Variants in MBD5 observed in about 807,000 individuals in gnomAD.
MBD5 encodes the protein methyl-CpG binding domain protein 5.
A neutral mutation model predicts 117.3 loss-of-function variants in MBD5; 13 were observed. The observed-to-expected ratio is 0.11, with a 90% confidence interval of 0.07 to 0.18. The LOEUF (loss-of-function observed/expected upper bound fraction) is 0.18. Among genes scored for constraint, MBD5 ranks in the 10% least tolerant of loss-of-function variants. MBD5 has a pLI of 1.00. For synonymous variants in MBD5, 727 were observed against 766.4 expected, an observed-to-expected ratio of 0.95 and a Z score of 0.85; for missense variants, 1,879 against 2,093.8, an observed-to-expected ratio of 0.90 and a Z score of 2.00.
At chr2:148,281,691 A>C (rs145028091) in intron 3 of MBD5, among the ~76,000 whole-genome samples, 26 of 151,618 alleles carry the variant, frequency 1.7e-4, no homozygotes, top group Admixed American at 5.3e-4. Context: ...TTTTCTCTCT[A>C]TCTCTATCTC....
At position 148,417,288 on chromosome 2, in the gene MBD5, C is replaced by CTTTTTTTTTTTTTTTTTTTT. The variant is rs745409695; in HGVS notation, c.-556-40912_-556-40893dup. On this transcript the variant is annotated intron_variant, in intron 4 of 13. Coordinates refer to ENST00000642680, the MANE Select transcript of MBD5 (RefSeq NM_001378120.1). ...CAGACATGTGCCACCATGCACAGCTCTTTTTTTTTTTTTTTTTTTTTTGTA... is the reference window on the plus strand; with the variant it reads ...CAGACATGTGCCACCATGCACAGCTCTTTTTTTTTTTTTTTTTTTTTTTTTTTTTTTTTTTTTTTTTTGTA... Among the ~76,000 whole-genome samples, 9 of 91,804 alleles carry CTTTTTTTTTTTTTTTTTTTT rather than the reference C, an allele frequency of 9.8e-5. 1 individual carries two copies. Among genetic ancestry groups the CTTTTTTTTTTTTTTTTTTTT allele is most frequent in the Non-Finnish European group, 1.0e-4 (5 of 49,372 alleles). 60.2% of individuals were successfully genotyped at this position (91,804 alleles called of 152,430 possible).
intron 1 of MBD5, among the ~76,000 whole-genome samples, chr2:148,141,318 C>G (rs1697307866): frequency 6.6e-6 from 1 of 152,110 alleles, no homozygotes; most frequent in African/African-American, 2.4e-5. Context: ...GGAGACACTC[C>G]TACAAATAGG....
chr2:148,324,017 G>C (rs1434484196), intron 3 of MBD5, among the ~76,000 whole-genome samples: 1 of 152,108 alleles, frequency 6.6e-6, no homozygotes, highest in Admixed American at 6.5e-5. Flanking sequence ...ATTGATTTTT[G>C]TATAAGGTGT....
At chr2:148,339,826 A>G (rs551071838) in intron 3 of MBD5, among the ~76,000 whole-genome samples, 1 of 152,292 alleles carries the variant, frequency 6.6e-6, no homozygotes, top group Admixed American at 6.5e-5. Flanking sequence ...ATCTATATAA[A>G]CATTACTAAA....
At chr2:148,426,364 A>G (rs982059321) in intron 4 of MBD5, among the ~76,000 whole-genome samples, 1 of 152,128 alleles carries the variant, frequency 6.6e-6, no homozygotes, top group Non-Finnish European at 1.5e-5. Flanking sequence ...AGCCAAAAGA[A>G]CAAAGCTGGA....
Position 148,351,904 on chromosome 2 carries a change from C to G in MBD5, c.-557+9568C>G, listed in dbSNP as rs191683290. ...AAGTCTAAAAGTATAATCTCTGACTCTTGGTTCTGCAACCTATGTGTTTAG... is the reference window on the plus strand; with the variant it reads ...AAGTCTAAAAGTATAATCTCTGACTGTTGGTTCTGCAACCTATGTGTTTAG... On this transcript the variant is annotated intron_variant, in intron 4 of 13. Coordinates refer to ENST00000642680, the MANE Select transcript of MBD5 (RefSeq NM_001378120.1). Among the ~76,000 whole-genome samples, 46 of 152,098 alleles carry G rather than the reference C, an allele frequency of 3.0e-4. No individual in the cohort carries two copies. In the East Asian group the frequency reaches 6.8e-3, roughly 22 times the overall value.
At chr2:148,136,216 G>A (rs145066239) in intron 1 of MBD5, among the ~76,000 whole-genome samples, 78 of 152,096 alleles carry the variant, frequency 5.1e-4, no homozygotes, top group Admixed American at 7.9e-4. Flanking sequence ...ACAGAATCAC[G>A]GTCTTACGTG....
chr2:148,476,335 A>G (rs1384892652), intron 8 of MBD5, among the ~76,000 whole-genome samples: 1 of 152,226 alleles, frequency 6.6e-6, no homozygotes, highest in Non-Finnish European at 1.5e-5. Flanking sequence ...ATTAACTTGC[A>G]TTACAGTCCA....
At chr2:148,124,019 C>G (rs115723989) in intron 1 of MBD5, among the ~76,000 whole-genome samples, 1,875 of 152,234 alleles carry the variant, frequency 0.012, 45 homozygotes, top group African/African-American at 0.043. Context: ...GTGGCTCATA[C>G]GTGTAATACA....
At chr2:148,155,980 G>A (rs868720319) in intron 1 of MBD5, among the ~76,000 whole-genome samples, 11 of 152,300 alleles carry the variant, frequency 7.2e-5, no homozygotes, top group Middle Eastern at 6.8e-3. Flanking sequence ...CTGTCCAAAC[G>A]AAGGGACCAC....
rs1706957418 is a variant in MBD5 at position 148,458,597 on chromosome 2, A to G, written c.-162A>G. ...GATTTTTTTCACAATGGCATATTTCAAGGACTTGGTTCCAAACTGAGCTGA... is the reference window on the plus strand; with the variant it reads ...GATTTTTTTCACAATGGCATATTTCGAGGACTTGGTTCCAAACTGAGCTGA... On this transcript the variant is annotated 5_prime_UTR_variant, in exon 5 of 14. Transcript: ENST00000642680. 1.5e-6 allele frequency: 1 copy of G among 659,198 alleles called. No individual in the cohort carries two copies. The highest frequency in any genetic ancestry group is 2.8e-6 in the Non-Finnish European group (1 of 362,184). 40.8% of individuals were successfully genotyped at this position (659,198 alleles called of 1,614,324 possible).
chr2:148,349,459 A>G (rs553332148), intron 4 of MBD5, among the ~76,000 whole-genome samples: 1 of 152,014 alleles, frequency 6.6e-6, no homozygotes, highest in Admixed American at 6.6e-5. Context: ...AGATAAGTAA[A>G]TGTTTTGGTT....
At chr2:148,071,230 TA>T (rs1468039171) in intron 1 of MBD5, 2 of 152,098 alleles carry the variant, frequency 1.3e-5, no homozygotes, top group East Asian at 1.9e-4. Context: ...CAAAAATCAC[TA>T]ATACGGGCCT....
rs1701673086 is a variant in MBD5, at chr2:148,297,077, G to T, written c.-679-45137G>T. Among the ~76,000 whole-genome samples, 3 of 151,590 alleles carry T rather than the reference G, an allele frequency of 2.0e-5. No individual in the cohort carries two copies. In the South Asian group the frequency reaches 6.3e-4, roughly 32 times the overall value. On this transcript the variant is annotated intron_variant, in intron 3 of 13. Transcript: ENST00000642680. The stretch of plus-strand genomic sequence containing the variant: ...TTTTGGTACTTGTAGTAGAAACGGG[G>T]TTTCACCGTGTTGGCCAGGCTGGTC...
At chr2:148,173,569 G>A (rs1354594523) in intron 1 of MBD5, among the ~76,000 whole-genome samples, 1 of 152,120 alleles carries the variant, frequency 6.6e-6, no homozygotes, top group Non-Finnish European at 1.5e-5. Flanking sequence ...AGGCAAAGGC[G>A]CCACTAGCCA....
Position 148,515,929 on chromosome 2 carries a change from A to G in MBD5, c.*2988A>G, listed in dbSNP as rs1180266105. On this transcript the variant is annotated 3_prime_UTR_variant, in exon 14 of 14. Transcript: ENST00000642680. ...AGGGTTTTTATTTATTTAAAGGAAC[A>G]TTTTTGGCTTGTACTTTTCAGTGCC... The G allele has an allele frequency of 6.6e-6, 1 of 152,200 alleles. No individual in the cohort carries two copies. The allele number at this position is 152,200 out of a possible 1,614,324, so 9.4% of individuals were successfully genotyped here. A position where few individuals can be genotyped will look rare whatever the true frequency, so the allele number is the denominator to read the frequency against.
At chr2:148,359,712 G>A (rs1048582042) in intron 4 of MBD5, among the ~76,000 whole-genome samples, 2 of 152,076 alleles carry the variant, frequency 1.3e-5, no homozygotes, top group African/African-American at 2.4e-5. Context: ...CTTTATCAAA[G>A]CATGATCTCT....
At chr2:148,183,901 G>T (rs1698588347) in intron 2 of MBD5, among the ~76,000 whole-genome samples, 1 of 151,516 alleles carries the variant, frequency 6.6e-6, no homozygotes, top group Non-Finnish European at 1.5e-5. Context: ...TCAATACTTT[G>T]AAAATCCATG....
rs1680672133 is a variant in MBD5 at position 148,468,603 on chromosome 2, C to G, written c.660C>G (p.Gly220=). Residue 220 remains glycine, a synonymous_variant, in exon 8 of 14, where the codon GGC becomes GGG. Coordinates refer to ENST00000642680, the MANE Select transcript of MBD5 (RefSeq NM_001378120.1). ...QKSPFRGSHG[G]LPSPASSGSQ... Reference sequence around the variant, plus strand: ...CTCCATTCCGTGGCAGCCATGGAGGCCTGCCCAGCCCAGCGTCATCAGGTT... The same window carrying G: ...CTCCATTCCGTGGCAGCCATGGAGGGCTGCCCAGCCCAGCGTCATCAGGTT... The G allele has an allele frequency of 6.2e-7, 1 of 1,613,762 alleles. No individual in the cohort carries two copies. The highest frequency in any genetic ancestry group is 8.5e-7 in the Non-Finnish European group (1 of 1,179,888).
Sources: allele counts gnomAD v4.1 joint callset (sites outside exome capture counted in the v4.1 genomes callset), GRCh38; gene constraint gnomAD v4.1.1; transcripts MANE v1.5; gene names NCBI Gene and HGNC (gene_info 2026-07-23, HGNC 2026-07-21).